ATXN1L: variants seen among roughly 807,000 people sequenced by gnomAD.
ATXN1L encodes the protein ataxin 1 like, also known as ataxin-1-like.
In ATXN1L, 8 loss-of-function variants were observed where a neutral mutation model predicts 43.4. The ratio of observed to expected loss-of-function variants is 0.18; its 90% CI spans 0.11 to 0.33. The LOEUF (loss-of-function observed/expected upper bound fraction) is 0.33. Among genes scored for constraint, ATXN1L ranks in the 10% least tolerant of loss-of-function variants. ATXN1L has a pLI of 1.00. For synonymous variants in ATXN1L, 379 were observed against 360.6 expected (o/e 1.05, Z -0.58); for missense variants, 856 against 885.4 (o/e 0.97, Z 0.42).
At chr16:71,847,629 C>T (rs1487838135) in intron 1 of ATXN1L, among the ~76,000 whole-genome samples, 1 of 152,040 alleles carries the variant, frequency 6.6e-6, no homozygotes, top group Admixed American at 6.6e-5. Context: ...ATTTTTCCTG[C>T]TTCCCATTGT....
Position 71,850,419 on chromosome 16 carries a change from A to G in ATXN1L, c.679A>G (p.Met227Val). 6.4e-7 allele frequency: 1 copy of G among 1,551,702 alleles called. No individual in the cohort carries two copies. ...GCCGCTGGACCTTGCTCCAGGTCGG[A>G]TGCCCATTTATTATCAGATGTCCAG... ...TQPLDLAPGR[M>V]PIYYQMSRLP... Residue 227 changes from methionine (M) to valine (V), a missense_variant, in exon 3 of 3, where the codon ATG becomes GTG. Around this residue, in one of 7 missense-constraint regions of ATXN1L, gnomAD observed 490 missense variants for 449.4 expected, o/e 1.09. Transcript: ENST00000427980.
In ATXN1L at chr16:71,854,291, G is replaced by A. The variant is rs1327488988; in HGVS notation, c.*2481G>A. ...TGGGCTACTTGTGACTTTCCAACCTGGTAACTTCCACTGAATTCTGGAAAG... is the reference window on the plus strand; with the variant it reads ...TGGGCTACTTGTGACTTTCCAACCTAGTAACTTCCACTGAATTCTGGAAAG... On this transcript the variant is annotated 3_prime_UTR_variant, in exon 3 of 3. Coordinates refer to ENST00000427980, the MANE Select transcript of ATXN1L (RefSeq NM_001137675.4). 6.0e-6 allele frequency: 1 copy of A among 167,038 alleles called. No individual in the cohort carries two copies. The highest frequency in any genetic ancestry group is 1.5e-5 in the Non-Finnish European group (1 of 68,122). 10.3% of individuals were successfully genotyped at this position (167,038 alleles called of 1,614,324 possible).
chr16:71,846,379 G>T (rs1464436179), intron 1 of ATXN1L, among the ~76,000 whole-genome samples: 1 of 152,240 alleles, frequency 6.6e-6, no homozygotes, highest in African/African-American at 2.4e-5. Context: ...AGGAAGCGTC[G>T]CCTGCAGGGC....
Position 71,849,858 on chromosome 16 carries a change from A to G in ATXN1L, c.118A>G (p.Ser40Gly). The G allele has an allele frequency of 6.4e-7, 1 of 1,551,532 alleles. No homozygotes were observed. The highest frequency in any genetic ancestry group is 8.7e-7 in the Non-Finnish European group (1 of 1,146,914). Residue 40 changes from serine to glycine, a missense_variant, in exon 3 of 3, where the codon AGT becomes GGT. This residue lies in a region of ATXN1L where 93 missense variants were observed against 113.4 expected (regional missense o/e 0.82). Coordinates refer to ENST00000427980, the MANE Select transcript of ATXN1L (RefSeq NM_001137675.4). ...TSCSTNHTPSSDASEWSRGVV... is the reference protein window; with the variant it reads ...TSCSTNHTPSGDASEWSRGVV... Reference sequence around the variant, plus strand: ...CTGCTCCACTAACCACACACCCTCCAGTGATGCTTCTGAATGGTCCCGAGG... The same window carrying G: ...CTGCTCCACTAACCACACACCCTCCGGTGATGCTTCTGAATGGTCCCGAGG...
chr16:71,846,861 C>T (rs2033448959), intron 1 of ATXN1L, among the ~76,000 whole-genome samples: 2 of 152,062 alleles, frequency 1.3e-5, no homozygotes, highest in Admixed American at 6.5e-5. Context: ...GCTAACTTCT[C>T]GGTGACCTGG....
At chr16:71,848,574 A>G (rs1020238343) in intron 2 of ATXN1L, among the ~76,000 whole-genome samples, 1 of 152,212 alleles carries the variant, frequency 6.6e-6, no homozygotes, top group African/African-American at 2.4e-5. Flanking sequence ...GAAGAGGAGA[A>G]ACAAGTTGAC....
rs1315311650 is a variant in ATXN1L, at chr16:71,851,601, A to C, written c.1861A>C (p.Ser621Arg). 1.3e-6 allele frequency: 2 copies of C among 1,545,158 alleles called. No individual in the cohort carries two copies. ...TVLGSRELCD[S>R]EGKSQPAGEG... ...CTTGGGATCCAGAGAGCTATGTGAC[A>C]GTGAGGGGAAGAGCCAGCCGGCAGG... The change falls in exon 3 of 3, where the codon AGT becomes CGT. Residue 621 changes from serine (S) to arginine (R), a missense_variant. This residue lies in a region of ATXN1L where 185 missense variants were observed against 176.8 expected (regional missense o/e 1.05). Transcript: ENST00000427980. This position sits in a 1 kb window ranked among gnomAD's most constrained non-coding sequence, Gnocchi z 4.9.
chr16:71,850,796 G>A lies in ATXN1L; in HGVS notation c.1056G>A (p.Val352=), dbSNP rs1368605613. 2 of 1,551,572 alleles carry A rather than the reference G, an allele frequency of 1.3e-6. No homozygotes were observed. Among genetic ancestry groups the A allele is most frequent in the African/African-American group, 2.7e-5 (2 of 73,030 alleles). ...GALASQDYRV[V]AAQRKEEPSP... is the part of the protein sequence containing the mutation. The stretch of plus-strand genomic sequence containing the variant: ...TAGCTTCTCAGGACTATCGTGTGGT[G>A]GCAGCTCAGAGGAAGGAGGAACCCA... The change falls in exon 3 of 3, where the codon GTG becomes GTA. Residue 352 remains valine (V), a synonymous_variant. Transcript: ENST00000427980.
chr16:71,847,702 G>A (rs1358995715), intron 1 of ATXN1L, among the ~76,000 whole-genome samples: 1 of 152,064 alleles, frequency 6.6e-6, no homozygotes, highest in African/African-American at 2.4e-5. Context: ...ATTTGGATTG[G>A]AGCAAATTTA....
chr16:71,854,231 C>T lies in ATXN1L; in HGVS notation c.*2421C>T, dbSNP rs1042971325. On this transcript the variant is annotated 3_prime_UTR_variant, in exon 3 of 3. Transcript: ENST00000427980. ...GGGCAAACCTATGTCTAACCAGATACAGACCAATTAGTTTAGATCAAATCA... is the reference window on the plus strand; with the variant it reads ...GGGCAAACCTATGTCTAACCAGATATAGACCAATTAGTTTAGATCAAATCA... 8 of 167,246 alleles carry T rather than the reference C, an allele frequency of 4.8e-5. No individual in the cohort carries two copies. The highest frequency in any genetic ancestry group is 1.9e-4 in the African/African-American group (8 of 41,590). 10.4% of individuals were successfully genotyped at this position (167,246 alleles called of 1,614,324 possible).
intron 2 of ATXN1L, 187 bp downstream of exon 2, chr16:71,848,258 G>A (rs1034676947): frequency 4.7e-5 from 14 of 297,324 alleles, no homozygotes; most frequent in African/African-American, 2.5e-4. Context: ...TTATAACAAT[G>A]GACAAAAGCA....
Position 71,851,641 on chromosome 16 carries a change from TG to T in ATXN1L, c.1903del (p.Val635Ter). 1 of 1,527,778 alleles carries T rather than the reference TG, an allele frequency of 6.5e-7. No homozygotes were observed. Among genetic ancestry groups the T allele is most frequent in the Non-Finnish European group, 8.8e-7 (1 of 1,131,810 alleles). The allele number at this position is 1,527,778 out of a possible 1,614,324, so 94.6% of individuals were successfully genotyped here. A position where few individuals can be genotyped will look rare whatever the true frequency, so the allele number is the denominator to read the frequency against. ...CAGCCGGCAGGAGAGGGCTCCCGTGTGGTAGAGCCTTCCCAGCCTGAGTCCG... is the reference window on the plus strand; with the variant it reads ...CAGCCGGCAGGAGAGGGCTCCCGTGTGTAGAGCCTTCCCAGCCTGAGTCCG... Reference protein sequence around the residue: ...KSQPAGEGSRVVEPSQPESGA... With the variant: ...KSQPAGEGSRXVEPSQPESGA... On this transcript the variant is annotated frameshift_variant, in exon 3 of 3. Coordinates refer to ENST00000427980, the MANE Select transcript of ATXN1L (RefSeq NM_001137675.4). LOFTEE classifies it high-confidence loss of function. This position sits in a 1 kb window ranked among gnomAD's most constrained non-coding sequence, Gnocchi z 4.9.
At chr16:71,849,540 C>T (rs1182362472) in intron 2 of ATXN1L, 84 bp from the exon 3 acceptor site, 11 of 467,428 alleles carry the variant, frequency 2.4e-5, no homozygotes, top group Admixed American at 3.9e-5. Flanking sequence ...TTACATCTTC[C>T]TCCATGGCAC....
In ATXN1L at chr16:71,853,682, A is replaced by G. The variant is rs2033527048; in HGVS notation, c.*1872A>G. The G allele has an allele frequency of 6.0e-6, 1 of 166,962 alleles. No individual in the cohort carries two copies. Among genetic ancestry groups the G allele is most frequent in the South Asian group, 2.1e-4 (1 of 4,830 alleles). The allele number at this position is 166,962 out of a possible 1,614,324, so 10.3% of individuals were successfully genotyped here. On this transcript the variant is annotated 3_prime_UTR_variant, in exon 3 of 3. Transcript: ENST00000427980. ...GAGGGGAAGTTCTGAGAATGGAGTC[A>G]TTCTTAGTGTTCAGGTGCTAAAGGT...
In ATXN1L at chr16:71,851,668, G is replaced by T; in HGVS notation, c.1928G>T (p.Gly643Val). The T allele has an allele frequency of 6.6e-7, 1 of 1,513,662 alleles. No individual in the cohort carries two copies. The allele number at this position is 1,513,662 out of a possible 1,614,324, so 93.8% of individuals were successfully genotyped here. ...RVVEPSQPES[G>V]AQACWPAPSF... ...GTAGAGCCTTCCCAGCCTGAGTCCGGTGCTCAGGCCTGCTGGCCAGCCCCG... is the reference window on the plus strand; with the variant it reads ...GTAGAGCCTTCCCAGCCTGAGTCCGTTGCTCAGGCCTGCTGGCCAGCCCCG... The change falls in exon 3 of 3, where the codon GGT (glycine) becomes GTT (valine). Residue 643 changes from glycine to valine, a missense_variant. Around this residue, in one of 7 missense-constraint regions of ATXN1L, gnomAD observed 185 missense variants for 176.8 expected, o/e 1.05. Transcript: ENST00000427980. The surrounding 1 kb of genome is among the most constrained non-coding windows in gnomAD (Gnocchi z 4.9).
intron 1 of ATXN1L, among the ~76,000 whole-genome samples, chr16:71,847,269 T>A (rs2033452343): frequency 6.6e-6 from 1 of 152,184 alleles, no homozygotes; most frequent in African/African-American, 2.4e-5. Context: ...TCGCTTTGCG[T>A]TTCTGGCAAG....
At position 71,853,200 on chromosome 16, in the gene ATXN1L, GT is replaced by G. The variant is rs140775247; in HGVS notation, c.*1392del. ...AGTACCTGAATAGATGTCATTTTGTGTTGGTATATTCCTCTGCAAAAAGTAT... is the reference window on the plus strand; with the variant it reads ...AGTACCTGAATAGATGTCATTTTGTGTGGTATATTCCTCTGCAAAAAGTAT... On this transcript the variant is annotated 3_prime_UTR_variant, in exon 3 of 3. Transcript: ENST00000427980. 3,955 of 167,086 alleles carry G rather than the reference GT, an allele frequency of 0.024. 358 individuals carry two copies. Among genetic ancestry groups the G allele is most frequent in the East Asian group, 0.17 (879 of 5,176 alleles). 10.4% of individuals were successfully genotyped at this position (167,086 alleles called of 1,614,324 possible).
chr16:71,851,643 G>T lies in ATXN1L; in HGVS notation c.1903G>T (p.Val635Leu). The T allele has an allele frequency of 6.5e-7, 1 of 1,528,160 alleles. No homozygotes were observed. Among genetic ancestry groups the T allele is most frequent in the Non-Finnish European group, 8.8e-7 (1 of 1,131,936 alleles). The allele number at this position is 1,528,160 out of a possible 1,614,324, so 94.7% of individuals were successfully genotyped here. Residue 635 changes from valine to leucine, a missense_variant, in exon 3 of 3, where the codon GTA becomes TTA. Physicochemically the swap from Val to Leu is conservative, Grantham distance 32. Around this residue, in one of 7 missense-constraint regions of ATXN1L, gnomAD observed 185 missense variants for 176.8 expected, o/e 1.05. Coordinates refer to ENST00000427980, the MANE Select transcript of ATXN1L (RefSeq NM_001137675.4). This position sits in a 1 kb window ranked among gnomAD's most constrained non-coding sequence, Gnocchi z 4.9. Reference protein sequence around the residue: ...SQPAGEGSRVVEPSQPESGAQ... With the variant: ...SQPAGEGSRVLEPSQPESGAQ... ...GCCGGCAGGAGAGGGCTCCCGTGTG[G>T]TAGAGCCTTCCCAGCCTGAGTCCGG...
rs1226348760 is a variant in ATXN1L at position 71,850,194 on chromosome 16, C to T, written c.454C>T (p.Pro152Ser). 2 of 1,551,760 alleles carry T rather than the reference C, an allele frequency of 1.3e-6. No homozygotes were observed. The highest frequency in any genetic ancestry group is 1.2e-5 in the South Asian group (1 of 84,062). Residue 152 changes from proline to serine, a missense_variant, in exon 3 of 3, where the codon CCT (proline) becomes TCT (serine). Coordinates refer to ENST00000427980, the MANE Select transcript of ATXN1L (RefSeq NM_001137675.4). Reference sequence around the variant, plus strand: ...TTATAGCCTTCCCTATGCTGTGCCACCTAATTTCCTACCGAGTCCCCTCCT... The same window carrying T: ...TTATAGCCTTCCCTATGCTGTGCCATCTAATTTCCTACCGAGTCCCCTCCT... ...SPYSLPYAVP[P>S]NFLPSPLLSP...
Sources: gnomAD v4.1 joint callset for allele counts (sites outside exome capture counted in the v4.1 genomes callset) on GRCh38, gnomAD v4.1.1 for gene constraint, gnomAD v4.1.1 regional missense constraint, Gnocchi (gnomAD v3.1) non-coding constraint, MANE v1.5 for transcripts, NCBI Gene and HGNC (gene_info 2026-07-23, HGNC 2026-07-21) for gene names.